Variants in DDHD2 observed in about 807,000 individuals in gnomAD.
DDHD2 encodes the protein triacylglycerol hydrolase DDHD2.
Under a neutral mutation model 91.2 loss-of-function variants are expected in DDHD2, and 62 were observed. That is an observed-to-expected ratio of 0.68 (90% CI 0.55 to 0.84). The LOEUF (loss-of-function observed/expected upper bound fraction) is 0.84. Among genes scored for constraint, DDHD2 ranks in the 40% least tolerant of loss-of-function variants. DDHD2 has a pLI of 0.00. For missense variants in DDHD2, 740 were observed against 846.9 expected (o/e 0.87, Z 1.57); for synonymous variants, 271 against 293.9 (o/e 0.92, Z 0.80).
In DDHD2 at chr8:38,242,190, A is replaced by G. The variant is rs990552802; in HGVS notation, c.713-60A>G. On this transcript the variant is annotated intron_variant, in intron 6 of 17. Coordinates refer to ENST00000397166, the MANE Select transcript of DDHD2 (RefSeq NM_015214.3). ...AGAGTATAATTACATGATTTGTTGC[A>G]TCCAGATTCTACAGATTTGTTACTT... is the stretch of plus-strand genomic sequence containing the variant. 5 of 1,328,162 alleles carry G rather than the reference A, an allele frequency of 3.8e-6. No individual in the cohort carries two copies. In the Admixed American group the frequency reaches 1.2e-4, roughly 31 times the overall value. The allele number at this position is 1,328,162 out of a possible 1,614,324, so 82.3% of individuals were successfully genotyped here. A position where few individuals can be genotyped will look rare whatever the true frequency, so the allele number is the denominator to read the frequency against.
At position 38,246,307 on chromosome 8, in the gene DDHD2, T is replaced by A; in HGVS notation, c.1125+7T>A. On this transcript the variant is annotated splice_region_variant and intron_variant, in intron 9 of 17. Coordinates refer to ENST00000397166, the MANE Select transcript of DDHD2 (RefSeq NM_015214.3). ...GGATATTGACAGTGAAAAGGTAATT[T>A]AGATGTTCAGCTAGGTTTTCTTGTA... The A allele has an allele frequency of 6.3e-7, 1 of 1,597,830 alleles. No homozygotes were observed. The highest frequency in any genetic ancestry group is 8.6e-7 in the Non-Finnish European group (1 of 1,167,702).
At chr8:38,235,714 C>T (rs1405290643) in intron 3 of DDHD2, among the ~76,000 whole-genome samples, 2 of 136,774 alleles carry the variant, frequency 1.5e-5, no homozygotes, top group African/African-American at 5.5e-5. Context: ...AGCAAAACTC[C>T]ATCTCAAAAA....
intron 1 of DDHD2, 140 bp from the exon 2 acceptor site, chr8:38,232,843 GTTAT>G: frequency 3.2e-6 from 2 of 622,532 alleles, no homozygotes; most frequent in South Asian, 4.1e-5. Flanking sequence ...GCTAATTTAT[GTTAT>G]TTCTCTTTTA....
intron 10 of DDHD2, 140 bp downstream of exon 10, chr8:38,247,975 TTTTA>T (rs1303869456): frequency 4.5e-6 from 3 of 672,272 alleles, no homozygotes; most frequent in Non-Finnish European, 6.9e-6. Flanking sequence ...TTTATTTGCT[TTTTA>T]TCATATCAAG....
rs763953268 is a variant in DDHD2, at chr8:38,247,795, T to G, written c.1208T>G (p.Phe403Cys). The change falls in exon 10 of 18, where the codon TTT becomes TGT. Residue 403 changes from phenylalanine (F) to cysteine (C), a missense_variant. Around this residue, in one of 2 missense-constraint regions of DDHD2, gnomAD observed 693 missense variants for 764.2 expected, o/e 0.91. Transcript: ENST00000397166. The stretch of plus-strand genomic sequence containing the variant: ...AAGAAACTTCAGCTCTCTGAATTCT[T>G]TGATATCTTTGAGAAGGAGAAAGTA... ...DLKKLQLSEF[F>C]DIFEKEKVDK... The G allele has an allele frequency of 5.7e-6, 9 of 1,586,626 alleles. No individual in the cohort carries two copies. Among genetic ancestry groups the G allele is most frequent in the Non-Finnish European group, 7.7e-6 (9 of 1,167,544 alleles).
At chr8:38,243,125 G>A (rs775950075) in intron 7 of DDHD2, among the ~76,000 whole-genome samples, 12 of 152,264 alleles carry the variant, frequency 7.9e-5, no homozygotes, top group Admixed American at 6.5e-4. Flanking sequence ...GTGGGGTCCG[G>A]ATTCTTCAAT....
chr8:38,238,168 T>C lies in DDHD2; in HGVS notation c.581T>C (p.Val194Ala). The C allele has an allele frequency of 6.2e-7, 1 of 1,614,122 alleles. No individual in the cohort carries two copies. Among genetic ancestry groups the C allele is most frequent in the Non-Finnish European group, 8.5e-7 (1 of 1,180,000 alleles). Residue 194 changes from valine (V) to alanine (A), a missense_variant, in exon 5 of 18, where the codon GTG (valine) becomes GCG (alanine). Coordinates refer to ENST00000397166, the MANE Select transcript of DDHD2 (RefSeq NM_015214.3). ...ACGGAGCAGGGTCGACCAAGAACTG[T>C]GAAGAGAGGAGTTGAGAACATCTCT... ...TPTEQGRPRT[V>A]KRGVENISVD...
chr8:38,245,252 C>T (rs1034325301), intron 7 of DDHD2, among the ~76,000 whole-genome samples: 10 of 151,588 alleles, frequency 6.6e-5, no homozygotes, highest in African/African-American at 1.7e-4. Context: ...GCTAACATGA[C>T]AAAACCCTGT....
chr8:38,234,769 A>ATTT (rs373591192), intron 3 of DDHD2, among the ~76,000 whole-genome samples, 185 bp downstream of exon 3: 4 of 142,256 alleles, frequency 2.8e-5, no homozygotes, highest in Admixed American at 7.1e-5. Flanking sequence ...TTATTTTCAG[A>ATTT]TTTTTTTTTT....
intron 1 of DDHD2, 90 bp from the exon 2 acceptor site, chr8:38,232,897 G>T (rs1458196846): frequency 2.6e-6 from 2 of 768,182 alleles, no homozygotes; most frequent in Non-Finnish European, 2.1e-6. Context: ...TGCAGAAATG[G>T]CTCCGTAAAA....
intron 3 of DDHD2, among the ~76,000 whole-genome samples, chr8:38,236,316 T>C (rs987323911): frequency 1.3e-5 from 2 of 151,270 alleles, no homozygotes; most frequent in African/African-American, 4.8e-5. Context: ...CCAGCCTTTT[T>C]CTTGTTTTTG....
At chr8:38,248,539 CAT>C (rs1164730452) in intron 10 of DDHD2, among the ~76,000 whole-genome samples, 2 of 152,056 alleles carry the variant, frequency 1.3e-5, no homozygotes, top group African/African-American at 4.8e-5. Context: ...GGGGAAGACA[CAT>C]GTTAAATAAT....
intron 1 of DDHD2, chr8:38,268,686 C>T (rs1270118256): frequency 2.7e-5 from 39 of 1,432,950 alleles, no homozygotes; most frequent in Non-Finnish European, 3.3e-5. Context: ...AACGTTGTCT[C>T]AGCCCAAAGA....
intron 5 of DDHD2, 106 bp downstream of exon 5, chr8:38,238,315 C>A (rs1403501771): frequency 1.3e-6 from 2 of 1,524,682 alleles, no homozygotes; most frequent in Non-Finnish European, 1.8e-6. Flanking sequence ...TAAAAATCAT[C>A]TTTAATCATA....
chr8:38,253,492 G>A, intron 15 of DDHD2, 64 bp from the exon 16 acceptor site: 1 of 1,437,860 alleles, frequency 7.0e-7, no homozygotes, highest in Non-Finnish European at 9.5e-7. Context: ...GTGAGGAGAA[G>A]TTAACAGGAT....
intron 15 of DDHD2, 159 bp from the exon 16 acceptor site, chr8:38,253,394 GAGA>G: frequency 1.3e-6 from 1 of 765,830 alleles, no homozygotes; most frequent in Non-Finnish European, 2.1e-6. Context: ...ACTGTGACCT[GAGA>G]AGGAGCTTGA....
Position 38,251,784 on chromosome 8 carries a change from C to G in DDHD2, c.1345-128C>G, listed in dbSNP as rs184557956. The G allele has an allele frequency of 6.4e-4, 400 of 627,436 alleles. 3 individuals are homozygous for G. Among genetic ancestry groups the G allele is most frequent in the African/African-American group, 6.3e-3 (343 of 54,220 alleles). 38.9% of individuals were successfully genotyped at this position (627,436 alleles called of 1,614,324 possible). A position where few individuals can be genotyped will look rare whatever the true frequency, so the allele number is the denominator to read the frequency against. On this transcript the variant is annotated intron_variant, in intron 11 of 17. Coordinates refer to ENST00000397166, the MANE Select transcript of DDHD2 (RefSeq NM_015214.3). ...TTTTAAATAGAGACTATGTTGCCCA[C>G]GTTGGACTTGAACTCTTGGGCTTAA...
intron 1 of DDHD2, chr8:38,267,952 G>A: frequency 6.2e-7 from 1 of 1,614,020 alleles, no homozygotes; most frequent in East Asian, 2.2e-5. Context: ...GCCAGGGCAA[G>A]GCTGGCAGCT....
At position 38,246,246 on chromosome 8, in the gene DDHD2, G is replaced by T. The variant is rs374745689; in HGVS notation, c.1071G>T (p.Leu357Phe). The T allele has an allele frequency of 1.2e-6, 2 of 1,606,298 alleles. No individual in the cohort carries two copies. Among genetic ancestry groups the T allele is most frequent in the African/African-American group, 2.7e-5 (2 of 74,720 alleles). ...IAGHSLGSLI[L>F]FDILTNQKDS... is the part of the protein sequence containing the mutation. Reference sequence around the variant, plus strand: ...TTTTACTTATAGGTTCGCTTATATTGTTTGATATCCTAACAAATCAGAAAG... The same window carrying T: ...TTTTACTTATAGGTTCGCTTATATTTTTTGATATCCTAACAAATCAGAAAG... The change falls in exon 9 of 18, where the codon TTG (leucine) becomes TTT (phenylalanine). Residue 357 changes from leucine (L) to phenylalanine (F), a missense_variant. Leu to Phe is a conservative substitution (Grantham distance 22, BLOSUM62 0). Transcript: ENST00000397166.
Sources: allele counts gnomAD v4.1 joint callset (sites outside exome capture counted in the v4.1 genomes callset), GRCh38; gene constraint gnomAD v4.1.1; regional missense constraint gnomAD v4.1.1; transcripts MANE v1.5; gene names NCBI Gene and HGNC (gene_info 2026-07-23, HGNC 2026-07-21).